The following AGBL4 variants were observed in gnomAD, a reference collection of about 807,000 sequenced individuals.
AGBL4 encodes AGBL carboxypeptidase 4.
A neutral mutation model predicts 66.4 loss-of-function variants in AGBL4; 58 were observed. The observed-to-expected ratio is 0.87, with a 90% confidence interval of 0.71 to 1.09. The LOEUF (loss-of-function observed/expected upper bound fraction) is 1.09, where lower values mean the gene tolerates loss of function less well. Among genes scored for constraint, AGBL4 ranks in the 50% least tolerant of loss-of-function variants. The probability of loss-of-function intolerance (pLI) is 0.00; values close to 1 mark genes in which losing one functional copy is unlikely to be tolerated. For synonymous variants in AGBL4, 234 were observed against 222.9 expected, an observed-to-expected ratio of 1.05 and a Z score of -0.44; for missense variants, 579 against 631.0, an observed-to-expected ratio of 0.92 and a Z score of 0.88.
intron 2 of AGBL4, among the ~76,000 whole-genome samples, chr1:49,823,325 A>C (rs1645416451): frequency 6.6e-6 from 1 of 152,144 alleles, no homozygotes; most frequent in South Asian, 2.1e-4. Context: ...GGGCTGGAAA[A>C]ATTATTATGT....
At chr1:49,155,198 T>A (rs2148127495) in intron 4 of AGBL4, among the ~76,000 whole-genome samples, 1 of 152,292 alleles carries the variant, frequency 6.6e-6, no homozygotes, top group Middle Eastern at 3.4e-3. Flanking sequence ...ACCTCCAATG[T>A]AGATAATATC....
intron 2 of AGBL4, among the ~76,000 whole-genome samples, chr1:49,814,333 A>G (rs1250687428): frequency 6.6e-6 from 1 of 152,162 alleles, no homozygotes; most frequent in Non-Finnish European, 1.5e-5. Flanking sequence ...AGCGTATTTA[A>G]GGAACAGGCA....
At chr1:49,156,925 C>T (rs957765476) in intron 4 of AGBL4, among the ~76,000 whole-genome samples, 1 of 152,114 alleles carries the variant, frequency 6.6e-6, no homozygotes, top group Non-Finnish European at 1.5e-5. Context: ...TATTACTTAA[C>T]ATTCAGGCAA....
At chr1:49,184,639 C>G (rs1482207139) in intron 4 of AGBL4, among the ~76,000 whole-genome samples, 5 of 152,162 alleles carry the variant, frequency 3.3e-5, no homozygotes, top group Non-Finnish European at 7.4e-5. Context: ...ATTGCTATGT[C>G]ATTTAAGAAT....
intron 3 of AGBL4, among the ~76,000 whole-genome samples, chr1:49,249,379 CA>C (rs1651875290): frequency 6.6e-6 from 1 of 151,182 alleles, no homozygotes; most frequent in Admixed American, 6.6e-5. Flanking sequence ...AACTCAATAG[CA>C]AACAAAAAAA....
intron 6 of AGBL4, among the ~76,000 whole-genome samples, chr1:48,792,708 G>A (rs915774205): frequency 3.3e-5 from 5 of 152,208 alleles, no homozygotes; most frequent in African/African-American, 1.2e-4. Flanking sequence ...GTGGGAAAGA[G>A]CAGAGGGAAA....
chr1:49,411,009 T>C (rs967302399), intron 3 of AGBL4, among the ~76,000 whole-genome samples: 3 of 152,160 alleles, frequency 2.0e-5, no homozygotes, highest in African/African-American at 7.2e-5. Flanking sequence ...AGGGAGTTTA[T>C]TAAGGAGAAT....
In AGBL4 at chr1:49,094,153, T is replaced by C. The variant is rs1462698564; in HGVS notation, c.378-48353A>G. 2.6e-5 allele frequency among the ~76,000 whole-genome samples: 4 copies of C among 152,090 alleles called. No individual in the cohort carries two copies. In the East Asian group the frequency reaches 7.7e-4, roughly 29 times the overall value. ...GATTCTCATACAGTGCTGGCAGAAG[T>C]GTCAATTGGTAGTACTGGCACTATT... On this transcript the variant is annotated intron_variant, in intron 4 of 13. Transcript: ENST00000371839.
chr1:49,845,723 G>A (rs1646123820), intron 2 of AGBL4: 1 of 1,593,782 alleles, frequency 6.3e-7, no homozygotes, highest in African/African-American at 1.3e-5. Context: ...GAGCATCAGA[G>A]GATTTACACG....
chr1:48,524,390 G>C, the AGBL4 span, among the ~76,000 whole-genome samples: 1 of 152,186 alleles, frequency 6.6e-6, no homozygotes, highest in Non-Finnish European at 1.5e-5. Context: ...ATCACCTGGA[G>C]ACAGAGTCTG....
chr1:48,860,010 A>C (rs1057015973), intron 6 of AGBL4, among the ~76,000 whole-genome samples: 2 of 152,254 alleles, frequency 1.3e-5, no homozygotes, highest in African/African-American at 4.8e-5. Flanking sequence ...CTACATTCGA[A>C]TAACAATAGT....
intron 3 of AGBL4, among the ~76,000 whole-genome samples, chr1:49,511,840 T>A (rs966426275): frequency 6.6e-6 from 1 of 151,938 alleles, no homozygotes; most frequent in Non-Finnish European, 1.5e-5. Flanking sequence ...CTTTTTAGTT[T>A]TGAAAAGTTA....
At chr1:48,652,580 C>T (rs990643217) in intron 8 of AGBL4, among the ~76,000 whole-genome samples, 8 of 152,062 alleles carry the variant, frequency 5.3e-5, no homozygotes, top group South Asian at 2.1e-4. Flanking sequence ...AGTCGTGGGC[C>T]GAACGAGCTC....
intron 2 of AGBL4, among the ~76,000 whole-genome samples, chr1:49,746,248 A>G (rs922219397): frequency 1.3e-5 from 2 of 151,962 alleles, no homozygotes; most frequent in Admixed American, 6.6e-5. Flanking sequence ...GCCTCTACAC[A>G]TTGGCATGAA....
intron 2 of AGBL4, among the ~76,000 whole-genome samples, chr1:49,737,049 C>T (rs1649956230): frequency 1.3e-5 from 2 of 151,946 alleles, no homozygotes; most frequent in Non-Finnish European, 2.9e-5. Context: ...CAAAGCAAAG[C>T]TGCAGAGAAA....
At chr1:49,948,580 TATAGAGAGAGAG>T (rs1655773578) in intron 1 of AGBL4, among the ~76,000 whole-genome samples, 1 of 126,870 alleles carries the variant, frequency 7.9e-6, no homozygotes, top group Admixed American at 9.0e-5. Flanking sequence ...TATATATATA[TATAGAGAGAGAG>T]AGAGAGAGAG....
chr1:49,290,223 A>T (rs942564661), intron 3 of AGBL4, among the ~76,000 whole-genome samples: 2 of 152,218 alleles, frequency 1.3e-5, no homozygotes, highest in Non-Finnish European at 2.9e-5. Context: ...CTCTCTTATA[A>T]GTCTGCAGAT....
chr1:49,037,530 C>T (rs1279983608), intron 5 of AGBL4, among the ~76,000 whole-genome samples: 1 of 152,068 alleles, frequency 6.6e-6, no homozygotes, highest in Non-Finnish European at 1.5e-5. Flanking sequence ...CCTCTGTCAC[C>T]ACCCTTCCTA....
chr1:49,883,430 A>C (rs1647643521), intron 1 of AGBL4, among the ~76,000 whole-genome samples: 1 of 152,050 alleles, frequency 6.6e-6, no homozygotes, highest in Non-Finnish European at 1.5e-5. Context: ...CATTGTTTAT[A>C]CCTTTCTTAC....
Sources: gnomAD v4.1 joint callset for allele counts (sites outside exome capture counted in the v4.1 genomes callset) on GRCh38, gnomAD v4.1.1 for gene constraint, MANE v1.5 for transcripts, NCBI Gene and HGNC (gene_info 2026-07-23, HGNC 2026-07-21) for gene names.